WDR1: variants seen among roughly 807,000 people sequenced by gnomAD.
The protein encoded by WDR1 is WD repeat domain 1.
In WDR1, 21 loss-of-function variants were observed where a neutral mutation model predicts 71.9. The observed-to-expected ratio is 0.29, with a 90% CI of 0.21 to 0.42. WDR1 has a LOEUF of 0.42. WDR1 is among the 10% of genes least tolerant of loss of function. The pLI is 1.00. For missense variants in WDR1, 696 were observed against 824.5 expected, an observed-to-expected ratio of 0.84 and a Z score of 1.91; for synonymous variants, 424 against 347.4, an observed-to-expected ratio of 1.22 and a Z score of -2.45.
chr4:10,087,101 C>T (rs930730311), intron 8 of WDR1, among the ~76,000 whole-genome samples: 3 of 152,224 alleles, frequency 2.0e-5, no homozygotes, highest in African/African-American at 4.8e-5. Context: ...TTGCTCCTCC[C>T]CAGGTTGGCA....
chr4:10,077,696 C>T (rs1342232355), intron 13 of WDR1, 57 bp downstream of exon 13: 16 of 1,489,962 alleles, frequency 1.1e-5, no homozygotes, highest in African/African-American at 1.4e-5. Context: ...AGATAACCTC[C>T]CACTGCCACC....
At chr4:10,109,328 C>T (rs1713210763) in intron 2 of WDR1, among the ~76,000 whole-genome samples, 1 of 152,244 alleles carries the variant, frequency 6.6e-6, no homozygotes, top group Non-Finnish European at 1.5e-5. Flanking sequence ...TGCTCAACAC[C>T]TTCACACAAT....
chr4:10,107,090 C>T (rs956755122), intron 2 of WDR1, among the ~76,000 whole-genome samples: 1 of 152,172 alleles, frequency 6.6e-6, no homozygotes, highest in Non-Finnish European at 1.5e-5. Flanking sequence ...GAAGCCAATT[C>T]CAGGAGCCCC....
chr4:10,079,139 G>A, intron 11 of WDR1, 138 bp from the exon 12 acceptor site: 1 of 621,618 alleles, frequency 1.6e-6, no homozygotes, highest in Non-Finnish European at 2.8e-6. Context: ...AGGGCCACCT[G>A]GGGCTCTGAG....
intron 5 of WDR1, chr4:10,096,041 A>G (rs1712331541): frequency 6.6e-6 from 1 of 152,250 alleles, no homozygotes; most frequent in African/African-American, 2.4e-5. Context: ...GGACAACTAA[A>G]GAGAAAGAAT....
In WDR1 at chr4:10,075,451, G is replaced by A. The variant is rs748519427; in HGVS notation, c.1748C>T (p.Ala583Val). ...GACCAGCGTGTGCTCGTCCAGCCAG[G>A]CCAGGCTGCTGACATGGTGCAGCCG... ...AHRLHHVSSL[A>V]WLDEHTLVTT... The change falls in exon 15 of 15, where the codon GCC becomes GTC. Residue 583 changes from alanine (A) to valine (V), a missense_variant. Ala to Val is a moderately conservative substitution (Grantham distance 64). Transcript: ENST00000499869. The A allele has an allele frequency of 6.2e-7, 1 of 1,613,990 alleles. No individual in the cohort carries two copies. The highest frequency in any genetic ancestry group is 2.2e-5 in the East Asian group (1 of 44,890).
Position 10,116,747 on chromosome 4 carries a change from C to G in WDR1, c.-81G>C, listed in dbSNP as rs1713768860. Reference sequence around the variant, plus strand: ...GCTGCGAATTACACCTCGCCGAGGCCGAGCCCGGGGACTGGAGCCGGAAGG... The same window carrying G: ...GCTGCGAATTACACCTCGCCGAGGCGGAGCCCGGGGACTGGAGCCGGAAGG... On this transcript the variant is annotated 5_prime_UTR_variant, in exon 1 of 15. Coordinates refer to ENST00000499869, the MANE Select transcript of WDR1 (RefSeq NM_017491.5). The G allele has an allele frequency of 1.6e-6, 2 of 1,263,042 alleles. No homozygotes were observed. Among genetic ancestry groups the G allele is most frequent in the Non-Finnish European group, 2.0e-6 (2 of 1,001,056 alleles). 78.2% of individuals were successfully genotyped at this position (1,263,042 alleles called of 1,614,324 possible).
Position 10,082,028 on chromosome 4 carries a change from C to A in WDR1, c.1197-584G>T, listed in dbSNP as rs147868603. ...AAGGCTCTGCAGCAAGGTCACCAGG[C>A]CAAGGCTGGCTCTGTAAGGGCCTTG... On this transcript the variant is annotated intron_variant, in intron 10 of 14. Transcript: ENST00000499869. Among the ~76,000 whole-genome samples, 144 of 152,302 alleles carry A rather than the reference C, an allele frequency of 9.5e-4. No individual in the cohort carries two copies. The Middle Eastern group carries it at 0.02, about 22-fold the overall frequency.
chr4:10,114,408 C>G (rs1713579602), intron 2 of WDR1, among the ~76,000 whole-genome samples: 1 of 152,210 alleles, frequency 6.6e-6, no homozygotes, highest in African/African-American at 2.4e-5. Context: ...CTTGCTAAGT[C>G]TGACTCCTCT....
intron 2 of WDR1, among the ~76,000 whole-genome samples, chr4:10,109,435 T>C (rs1468395815): frequency 1.3e-5 from 2 of 152,260 alleles, no homozygotes; most frequent in Admixed American, 6.5e-5. Context: ...TCAATGTTAG[T>C]GTGATTCTTT....
In WDR1 at chr4:10,084,556, T is replaced by C. The variant is rs750917365; in HGVS notation, c.952-26A>G. 2.5e-6 allele frequency: 4 copies of C among 1,608,466 alleles called. No homozygotes were observed. The East Asian group carries it at 8.9e-5, about 36-fold the overall frequency. On this transcript the variant is annotated intron_variant, in intron 8 of 14. Transcript: ENST00000499869. ...CTGTGAAGGAGACACACTGGGCGGG[T>C]AAGCTGATGACACACTGCCCTGCCC...
chr4:10,103,881 GC>G lies in WDR1; in HGVS notation c.229+14del. 1 of 1,548,544 alleles carries G rather than the reference GC, an allele frequency of 6.5e-7. No homozygotes were observed. Among genetic ancestry groups the G allele is most frequent in the Non-Finnish European group, 8.7e-7 (1 of 1,145,008 alleles). ...GCCCCCACAGGTGTCCACGAGCCTT[GC>G]CCCCATACAGTACCTCCGGAGGCAA... On this transcript the variant is annotated intron_variant, in intron 3 of 14. Coordinates refer to ENST00000499869, the MANE Select transcript of WDR1 (RefSeq NM_017491.5).
chr4:10,083,105 C>G lies in WDR1; in HGVS notation c.1113G>C (p.Met371Ile). The change falls in exon 10 of 15, where the codon ATG becomes ATC. Residue 371 changes from methionine to isoleucine, a missense_variant. Coordinates refer to ENST00000499869, the MANE Select transcript of WDR1 (RefSeq NM_017491.5). ...GKGHTNQVSRMTVDESGQLIS... is the reference protein window; with the variant it reads ...GKGHTNQVSRITVDESGQLIS... ...TGAGCTGCCCCGACTCATCCACGGT[C>G]ATCCTGGACACCTGGTTCGTGTGGC... 1 of 1,613,964 alleles carries G rather than the reference C, an allele frequency of 6.2e-7. No homozygotes were observed. Among genetic ancestry groups the G allele is most frequent in the Non-Finnish European group, 8.5e-7 (1 of 1,179,886 alleles).
Position 10,081,452 on chromosome 4 carries a change from A to G in WDR1, c.1197-8T>C. On this transcript the variant is annotated splice_polypyrimidine_tract_variant and splice_region_variant and intron_variant, in intron 10 of 14. Transcript: ENST00000499869. ...TTCACAACTCCTTGTCCGCTGTTAG[A>G]GAGAAAGGAAGCACATTACTTCGAC... is the stretch of plus-strand genomic sequence containing the variant. The G allele has an allele frequency of 1.2e-6, 2 of 1,613,164 alleles. No homozygotes were observed. Among genetic ancestry groups the G allele is most frequent in the Non-Finnish European group, 1.7e-6 (2 of 1,179,272 alleles).
intron 6 of WDR1, 127 bp downstream of exon 6, chr4:10,088,537 A>G (rs935929363): frequency 3.6e-6 from 4 of 1,107,280 alleles, no homozygotes; most frequent in Non-Finnish European, 4.0e-6. Flanking sequence ...ACGAGTCTGC[A>G]GATGTGGGGA....
intron 5 of WDR1, among the ~76,000 whole-genome samples, chr4:10,090,755 A>G (rs1221776747): frequency 6.6e-6 from 1 of 152,228 alleles, no homozygotes; most frequent in Admixed American, 6.5e-5. Flanking sequence ...TGAAAGCCGG[A>G]GAAATCACAC....
intron 2 of WDR1, among the ~76,000 whole-genome samples, chr4:10,111,173 C>G (rs1053074727): frequency 6.6e-6 from 1 of 152,240 alleles, no homozygotes; most frequent in African/African-American, 2.4e-5. Flanking sequence ...CTCCAGTGGC[C>G]TTCAGAGCAG....
In WDR1 at chr4:10,099,146, G is replaced by A; in HGVS notation, c.230-7C>T. The A allele has an allele frequency of 6.6e-7, 1 of 1,524,650 alleles. No individual in the cohort carries two copies. Among genetic ancestry groups the A allele is most frequent in the Non-Finnish European group, 8.9e-7 (1 of 1,121,772 alleles). The allele number at this position is 1,524,650 out of a possible 1,614,324, so 94.4% of individuals were successfully genotyped here. A position where few individuals can be genotyped will look rare whatever the true frequency, so the allele number is the denominator to read the frequency against. Reference sequence around the variant, plus strand: ...CTCAGCTTCCCAGACACATCTGTGGGGCACAGCGGGCGGGGGAGGGGGGGA... The same window carrying A: ...CTCAGCTTCCCAGACACATCTGTGGAGCACAGCGGGCGGGGGAGGGGGGGA... On this transcript the variant is annotated splice_polypyrimidine_tract_variant and splice_region_variant and intron_variant, in intron 3 of 14. Transcript: ENST00000499869.
intron 2 of WDR1, among the ~76,000 whole-genome samples, chr4:10,105,727 A>G (rs958448512): frequency 6.6e-6 from 1 of 152,216 alleles, no homozygotes; most frequent in Non-Finnish European, 1.5e-5. Flanking sequence ...TTATAAACCT[A>G]AACAGACACT....
Sources: allele counts gnomAD v4.1 joint callset (sites outside exome capture counted in the v4.1 genomes callset), GRCh38; gene constraint gnomAD v4.1.1; transcripts MANE v1.5; gene names NCBI Gene and HGNC (gene_info 2026-07-23, HGNC 2026-07-21).